The following EPHA6 variants were observed in gnomAD, a reference collection of about 807,000 sequenced individuals.
EPHA6 encodes ephrin type-A receptor 6.
In EPHA6, 50 loss-of-function variants were observed where a neutral mutation model predicts 112.0. The observed-to-expected ratio is 0.45, with a 90% CI of 0.36 to 0.56. The LOEUF (loss-of-function observed/expected upper bound fraction) is 0.56, where lower values mean the gene tolerates loss of function less well. Among genes scored for constraint, EPHA6 ranks in the 20% least tolerant of loss-of-function variants. The pLI, the probability that EPHA6 is intolerant of heterozygous loss-of-function variation, is 0.00. For synonymous variants in EPHA6, 529 were observed against 490.7 expected, an observed-to-expected ratio of 1.08 and a Z score of -1.03; for missense variants, 1,280 against 1,417.4, an observed-to-expected ratio of 0.90 and a Z score of 1.56.
At chr3:97,293,584 T>C (rs1415486461) in intron 5 of EPHA6, among the ~76,000 whole-genome samples, 2 of 152,214 alleles carry the variant, frequency 1.3e-5, no homozygotes, top group African/African-American at 4.8e-5. Flanking sequence ...GTGAGTCTGA[T>C]TCCAGGGTTT....
intron 5 of EPHA6, among the ~76,000 whole-genome samples, chr3:97,292,000 T>C (rs1490756915): frequency 6.6e-6 from 1 of 152,182 alleles, no homozygotes; most frequent in Non-Finnish European, 1.5e-5. Context: ...GTGGGGGGTA[T>C]GTGAGCAAAC....
chr3:97,683,583 T>C (rs945072519), intron 14 of EPHA6, among the ~76,000 whole-genome samples: 4 of 152,082 alleles, frequency 2.6e-5, no homozygotes, highest in Non-Finnish European at 5.9e-5. Flanking sequence ...AATAAGCTTG[T>C]CATGGTTTAA....
chr3:97,002,528 GAAGTT>G lies in EPHA6; in HGVS notation c.1114+14542_1114+14546del, dbSNP rs1277301818. On this transcript the variant is annotated intron_variant, in intron 3 of 17. Transcript: ENST00000389672. ...TTAGATGACCAATCTGTGGTTTAAT[GAAGTT>G]AAGTTATTTGACCTTGATGGATTGT... Among the ~76,000 whole-genome samples the G allele has an allele frequency of 1.2e-4, 18 of 151,246 alleles. 1 individual carries two copies. Among genetic ancestry groups the G allele is most frequent in the Middle Eastern group, 3.5e-3 (1 of 288 alleles).
rs189755181 is a variant in EPHA6 at position 97,587,136 on chromosome 3, G to C, written c.2387-5476G>C. 2.4e-3 allele frequency among the ~76,000 whole-genome samples: 367 copies of C among 152,098 alleles called. 5 individuals are homozygous for C. The highest frequency in any genetic ancestry group is 8.1e-3 in the East Asian group (42 of 5,164). On this transcript the variant is annotated intron_variant, in intron 11 of 17. Coordinates refer to ENST00000389672, the MANE Select transcript of EPHA6 (RefSeq NM_001080448.3). ...CGGGCACCTGTAATCCCAGCTACTCGGGAGGCTGAGGCAGGAGAATCGCTT... is the reference window on the plus strand; with the variant it reads ...CGGGCACCTGTAATCCCAGCTACTCCGGAGGCTGAGGCAGGAGAATCGCTT...
At chr3:97,219,383 A>G (rs1387223346) in intron 3 of EPHA6, among the ~76,000 whole-genome samples, 1 of 152,176 alleles carries the variant, frequency 6.6e-6, no homozygotes, top group Non-Finnish European at 1.5e-5. Context: ...ATTATAATAA[A>G]TGTTAATCCA....
chr3:96,876,897 G>T (rs867057370), intron 2 of EPHA6, among the ~76,000 whole-genome samples: 13 of 151,896 alleles, frequency 8.6e-5, no homozygotes, highest in South Asian at 8.3e-4. Context: ...TCCTTTTCTG[G>T]GACCACCTGA....
intron 2 of EPHA6, among the ~76,000 whole-genome samples, chr3:96,906,965 A>G (rs1350302037): frequency 6.6e-6 from 1 of 151,860 alleles, no homozygotes; most frequent in Non-Finnish European, 1.5e-5. Context: ...AGTGGAGAAT[A>G]ATGAAGGAGA....
intron 14 of EPHA6, among the ~76,000 whole-genome samples, chr3:97,675,004 A>C (rs2031225972): frequency 6.6e-6 from 1 of 152,194 alleles, no homozygotes; most frequent in Admixed American, 6.5e-5. Context: ...TTGCTCCCAA[A>C]CAGATGAAAA....
At chr3:97,328,484 C>G (rs1181503001) in intron 5 of EPHA6, among the ~76,000 whole-genome samples, 2 of 151,998 alleles carry the variant, frequency 1.3e-5, no homozygotes, top group African/African-American at 4.8e-5. Context: ...TATTTACCAT[C>G]TGTATGCATC....
chr3:97,117,891 A>T (rs2047936892), intron 3 of EPHA6, among the ~76,000 whole-genome samples: 1 of 151,886 alleles, frequency 6.6e-6, no homozygotes, highest in African/African-American at 2.4e-5. Context: ...TATTTCTTAT[A>T]TGTGGTAGTT....
intron 2 of EPHA6, among the ~76,000 whole-genome samples, chr3:96,915,921 G>T (rs10511158): frequency 6.6e-6 from 1 of 152,024 alleles, no homozygotes; most frequent in Non-Finnish European, 1.5e-5. Context: ...TGAATGTGTC[G>T]TATAGGTTTG....
intron 14 of EPHA6, among the ~76,000 whole-genome samples, chr3:97,669,125 T>C (rs1367989724): frequency 6.6e-6 from 1 of 151,920 alleles, no homozygotes; most frequent in Non-Finnish European, 1.5e-5. Context: ...ATCCCAAAGG[T>C]ACACTAACTG....
intron 10 of EPHA6, among the ~76,000 whole-genome samples, chr3:97,517,756 C>T (rs1340760288): frequency 6.6e-6 from 1 of 152,032 alleles, no homozygotes; most frequent in Admixed American, 6.6e-5. Context: ...CACCGGTGCC[C>T]CCACCCCACA....
intron 7 of EPHA6, among the ~76,000 whole-genome samples, chr3:97,461,045 A>C (rs997967059): frequency 6.6e-6 from 1 of 152,162 alleles, no homozygotes; most frequent in African/African-American, 2.4e-5. Flanking sequence ...ATCTGACACA[A>C]GTAACACGTG....
At chr3:97,354,948 T>C (rs563511575) in intron 5 of EPHA6, among the ~76,000 whole-genome samples, 5 of 152,230 alleles carry the variant, frequency 3.3e-5, no homozygotes, top group Non-Finnish European at 7.4e-5. Context: ...AAAGAGTGGA[T>C]GACATATTTA....
At chr3:96,891,294 GA>G (rs2037947471) in intron 2 of EPHA6, among the ~76,000 whole-genome samples, 2 of 152,152 alleles carry the variant, frequency 1.3e-5, no homozygotes, top group South Asian at 4.1e-4. Context: ...CACTATAGAT[GA>G]ATGCCACAAA....
intron 14 of EPHA6, among the ~76,000 whole-genome samples, chr3:97,646,901 C>T (rs938751690): frequency 2.6e-5 from 4 of 152,112 alleles, no homozygotes; most frequent in African/African-American, 9.7e-5. Flanking sequence ...ATGAATGCTC[C>T]ACTTTCACAG....
intron 3 of EPHA6, among the ~76,000 whole-genome samples, chr3:97,114,496 T>C (rs1458304681): frequency 6.6e-6 from 1 of 152,052 alleles, no homozygotes; most frequent in African/African-American, 2.4e-5. Flanking sequence ...TATATAATCG[T>C]CAGTGCTTTT....
intron 6 of EPHA6, among the ~76,000 whole-genome samples, chr3:97,438,923 C>A (rs1361284310): frequency 6.6e-6 from 1 of 152,108 alleles, no homozygotes; most frequent in Non-Finnish European, 1.5e-5. Context: ...CATTCTAGCA[C>A]CAGTATTTTC....
Sources: allele counts gnomAD v4.1 joint callset (sites outside exome capture counted in the v4.1 genomes callset), GRCh38; gene constraint gnomAD v4.1.1; transcripts MANE v1.5; gene names NCBI Gene and HGNC (gene_info 2026-07-23, HGNC 2026-07-21).